Variants in LOC128462377 observed in about 807,000 individuals in gnomAD.
chr16:89,369,384 C>A, the LOC128462377 span, among the ~76,000 whole-genome samples: 1 of 152,200 alleles, frequency 6.6e-6, no homozygotes, highest in Non-Finnish European at 1.5e-5. Context: ...ACCCGCATGA[C>A]CCTGCCACAG....
chr16:89,396,392 G>A, the LOC128462377 span, among the ~76,000 whole-genome samples: 1 of 152,156 alleles, frequency 6.6e-6, no homozygotes. Context: ...CCGCAAGAGA[G>A]ACCAAAGGGA....
At chr16:89,349,467 G>A in the LOC128462377 span, among the ~76,000 whole-genome samples, 6 of 152,114 alleles carry the variant, frequency 3.9e-5, no homozygotes, top group East Asian at 1.9e-4. Flanking sequence ...GCGACAGAGC[G>A]AGACTCATCT....
the LOC128462377 span, among the ~76,000 whole-genome samples, chr16:89,406,109 CA>C: frequency 7.5e-3 from 372 of 49,668 alleles, 1 homozygote; most frequent in Middle Eastern, 0.019. Flanking sequence ...GATTCCATCT[CA>C]AAAAAAAAAA....
chr16:89,363,384 G>C, the LOC128462377 span, among the ~76,000 whole-genome samples: 1 of 152,006 alleles, frequency 6.6e-6, no homozygotes, highest in East Asian at 1.9e-4. Context: ...TAAATGACGA[G>C]TTAATGGGTG....
the LOC128462377 span, among the ~76,000 whole-genome samples, chr16:89,334,785 G>A: frequency 6.6e-6 from 1 of 152,106 alleles, no homozygotes; most frequent in South Asian, 2.1e-4. Context: ...GCCCACCCAC[G>A]TGTCCACCAG....
the LOC128462377 span, among the ~76,000 whole-genome samples, chr16:89,349,269 C>T: frequency 6.6e-6 from 1 of 151,788 alleles, no homozygotes; most frequent in African/African-American, 2.4e-5. Context: ...TGGCTCACGC[C>T]TGTAATCCCA....
At chr16:89,355,639 G>A in the LOC128462377 span, among the ~76,000 whole-genome samples, 1 of 152,086 alleles carries the variant, frequency 6.6e-6, no homozygotes, top group African/African-American at 2.4e-5. Context: ...TCAAAAGAAG[G>A]TCTCTTAAAA....
chr16:89,337,961 C>T, the LOC128462377 span, among the ~76,000 whole-genome samples: 1 of 152,228 alleles, frequency 6.6e-6, no homozygotes, highest in African/African-American at 2.4e-5. Context: ...GTCCAGCTTC[C>T]AAGCTCACTG....
chr16:89,353,133 G>A, the LOC128462377 span, among the ~76,000 whole-genome samples: 2 of 152,152 alleles, frequency 1.3e-5, no homozygotes, highest in African/African-American at 4.8e-5. Context: ...CATGAGGTCA[G>A]GAGTTCAAGA....
the LOC128462377 span, among the ~76,000 whole-genome samples, chr16:89,368,656 C>A: frequency 1.3e-5 from 2 of 150,450 alleles, no homozygotes; most frequent in African/African-American, 4.9e-5. Context: ...ATCTGTAATC[C>A]CAACATTTTG....
At chr16:89,414,595 A>G in the LOC128462377 span, among the ~76,000 whole-genome samples, 1 of 152,238 alleles carries the variant, frequency 6.6e-6, no homozygotes, top group Non-Finnish European at 1.5e-5. Flanking sequence ...AAGTCTTTAC[A>G]GTAGATACGA....
the LOC128462377 span, chr16:89,361,621 C>T: frequency 3.3e-5 from 5 of 152,230 alleles, no homozygotes; most frequent in African/African-American, 1.2e-4. Flanking sequence ...GAGAATGCCG[C>T]TCTGAGGGCA....
chr16:89,326,189 G>C, the LOC128462377 span, among the ~76,000 whole-genome samples: 14 of 152,370 alleles, frequency 9.2e-5, no homozygotes, highest in East Asian at 2.7e-3. Context: ...ATGGCCGTAA[G>C]GCAGGGACGG....
chr16:89,357,038 G>C, the LOC128462377 span, among the ~76,000 whole-genome samples: 5 of 152,206 alleles, frequency 3.3e-5, no homozygotes, highest in African/African-American at 4.8e-5. Context: ...AGCCAGGCTT[G>C]ACATCTTTTA....
At chr16:89,369,470 G>A in the LOC128462377 span, among the ~76,000 whole-genome samples, 1,942 of 152,312 alleles carry the variant, frequency 0.013, 22 homozygotes, top group South Asian at 0.037. Context: ...GCATGGGTGC[G>A]CCGCAACAGC....
At chr16:89,368,608 TAAA>T in the LOC128462377 span, among the ~76,000 whole-genome samples, 7 of 131,628 alleles carry the variant, frequency 5.3e-5, no homozygotes, top group Non-Finnish European at 8.2e-5. Flanking sequence ...ACGCAGCTCT[TAAA>T]AAAAAAAAAA....
chr16:89,388,032 T>C, the LOC128462377 span, among the ~76,000 whole-genome samples: 1 of 149,806 alleles, frequency 6.7e-6, no homozygotes. Flanking sequence ...AAAAAAGGAC[T>C]GTGCTCATCT....
chr16:89,384,620 G>A, the LOC128462377 span, among the ~76,000 whole-genome samples: 1 of 152,180 alleles, frequency 6.6e-6, no homozygotes, highest in Non-Finnish European at 1.5e-5. Flanking sequence ...TCTGCAGGAA[G>A]GAGCCTCTGC....
the LOC128462377 span, among the ~76,000 whole-genome samples, chr16:89,376,368 A>G: frequency 6.6e-6 from 1 of 152,210 alleles, no homozygotes; most frequent in Non-Finnish European, 1.5e-5. Context: ...GCCAACCAAG[A>G]GGTAGCAGAT....
Sources: allele counts gnomAD v4.1 joint callset (sites outside exome capture counted in the v4.1 genomes callset), GRCh38; gene constraint gnomAD v4.1.1; transcripts MANE v1.5.